Variants in RIN2 observed in about 807,000 individuals in gnomAD.
RIN2 encodes the protein Ras and Rab interactor 2, also known as RAB5 interacting protein 2.
RIN2 carries 36 observed loss-of-function variants against 78.0 expected under a neutral mutation model. That is an observed-to-expected ratio of 0.46 (90% CI 0.35 to 0.61). The LOEUF is 0.61. Ranked by LOEUF, RIN2 falls within the 20% of genes least tolerant of loss-of-function variation. The probability of loss-of-function intolerance (pLI) is 0.00; values close to 1 mark genes in which losing one functional copy is unlikely to be tolerated. For missense variants in RIN2, 1,087 were observed against 1,159.7 expected (o/e 0.94, Z 0.91); for synonymous variants, 466 against 466.8 (o/e 1.00, Z 0.02).
intron 2 of RIN2, among the ~76,000 whole-genome samples, chr20:19,839,504 G>T (rs781297172): frequency 6.6e-6 from 1 of 152,234 alleles, no homozygotes; most frequent in Non-Finnish European, 1.5e-5. Flanking sequence ...AGTTCACCAT[G>T]TCTCTGGGTC....
At chr20:19,839,871 AAT>A (rs2036531926) in intron 2 of RIN2, among the ~76,000 whole-genome samples, 1 of 152,226 alleles carries the variant, frequency 6.6e-6, no homozygotes, top group Non-Finnish European at 1.5e-5. Context: ...AGTATCTTTA[AAT>A]CAAAAGTGCT....
chr20:19,990,224 A>G lies in RIN2; in HGVS notation c.1981A>G (p.Met661Val), dbSNP rs769095979. 6.2e-7 allele frequency: 1 copy of G among 1,613,034 alleles called. No individual in the cohort carries two copies. Among genetic ancestry groups the G allele is most frequent in the Admixed American group, 1.7e-5 (1 of 59,908 alleles). ...GAAAATCAAAGTCAAGTTCATGACCATGCAGAAGATGTATTCGCCGGAAAA... is the reference window on the plus strand; with the variant it reads ...GAAAATCAAAGTCAAGTTCATGACCGTGCAGAAGATGTATTCGCCGGAAAA... ...VEKIKVKFMTMQKMYSPEKKV... is the reference protein window; with the variant it reads ...VEKIKVKFMTVQKMYSPEKKV... Residue 661 changes from methionine (M) to valine (V), a missense_variant, in exon 10 of 13, where the codon ATG (methionine) becomes GTG (valine). By Grantham distance (21) the Met-to-Val change is conservative (BLOSUM62 1). Around this residue, in one of 8 missense-constraint regions of RIN2, gnomAD observed 97 missense variants for 104.8 expected, o/e 0.93. Transcript: ENST00000255006.
chr20:19,813,205 G>A (rs2035658340), intron 2 of RIN2, among the ~76,000 whole-genome samples: 1 of 152,152 alleles, frequency 6.6e-6, no homozygotes, highest in African/African-American at 2.4e-5. Context: ...CTCATATAAT[G>A]AATCAACTGC....
intron 9 of RIN2, among the ~76,000 whole-genome samples, chr20:19,977,436 C>G (rs182538149): frequency 1.6e-4 from 24 of 152,308 alleles, no homozygotes; most frequent in Non-Finnish European, 3.2e-4. Context: ...TTTCACTACT[C>G]TAGAAGGATG....
At chr20:19,887,047 A>G (rs1041202620) in intron 2 of RIN2, among the ~76,000 whole-genome samples, 1 of 151,250 alleles carries the variant, frequency 6.6e-6, no homozygotes, top group Non-Finnish European at 1.5e-5. Context: ...TTCTTTCGAG[A>G]CAGAGTGTTA....
chr20:19,955,723 C>G (rs780622831), intron 4 of RIN2, among the ~76,000 whole-genome samples: 1 of 152,082 alleles, frequency 6.6e-6, no homozygotes, highest in African/African-American at 2.4e-5. Flanking sequence ...CATGATTTTA[C>G]GAATAGCACA....
At chr20:19,886,253 T>C (rs944324614) in intron 2 of RIN2, among the ~76,000 whole-genome samples, 1 of 152,150 alleles carries the variant, frequency 6.6e-6, no homozygotes, top group African/African-American at 2.4e-5. Flanking sequence ...TGGCTGTCAG[T>C]AGAATGGGTT....
intron 3 of RIN2, among the ~76,000 whole-genome samples, chr20:19,892,992 C>T (rs1190437247): frequency 6.6e-6 from 1 of 152,162 alleles, no homozygotes; most frequent in Admixed American, 6.5e-5. Context: ...GCAGAAGCCA[C>T]CCCTAACCTC....
intron 1 of RIN2, among the ~76,000 whole-genome samples, chr20:19,786,840 A>G (rs1335649451): frequency 6.6e-6 from 1 of 152,194 alleles, no homozygotes; most frequent in Non-Finnish European, 1.5e-5. Flanking sequence ...CTCTAGATTT[A>G]GCTTACATGC....
chr20:19,782,077 C>A (rs961793545), intron 1 of RIN2, among the ~76,000 whole-genome samples: 10 of 152,078 alleles, frequency 6.6e-5, no homozygotes, highest in Non-Finnish European at 1.5e-4. Flanking sequence ...TCTGGGCTTG[C>A]ACATGACCAG....
At chr20:19,782,004 G>A (rs9653629) in intron 1 of RIN2, among the ~76,000 whole-genome samples, 24,963 of 152,060 alleles carry the variant, frequency 0.16, 2,445 homozygotes, top group African/African-American at 0.28. Flanking sequence ...TAAGTTAAGC[G>A]CTAATTGAAA....
intron 7 of RIN2, 30 bp from the exon 8 acceptor site, chr20:19,970,808 C>T: frequency 6.5e-7 from 1 of 1,527,952 alleles, no homozygotes; most frequent in Non-Finnish European, 9.0e-7. Context: ...CATGTAATTA[C>T]AAACATTCTC....
chr20:19,978,363 A>G (rs199579), intron 9 of RIN2, among the ~76,000 whole-genome samples: 51,930 of 152,112 alleles, frequency 0.34, 9,990 homozygotes, highest in Non-Finnish European at 0.44. Context: ...ATGCATGCAC[A>G]TGTATCCCTT....
chr20:19,989,383 C>T (rs890284313), intron 9 of RIN2, among the ~76,000 whole-genome samples: 3 of 150,994 alleles, frequency 2.0e-5, no homozygotes, highest in Admixed American at 6.7e-5. Context: ...AAACAATTCT[C>T]CTGCCTCAGC....
chr20:19,968,944 C>A (rs1384991572), intron 7 of RIN2, among the ~76,000 whole-genome samples: 2 of 152,038 alleles, frequency 1.3e-5, no homozygotes, highest in African/African-American at 2.4e-5. Flanking sequence ...CTCAAACAGA[C>A]ACAAGTGGCC....
intron 12 of RIN2, among the ~76,000 whole-genome samples, chr20:19,999,004 G>A (rs1459431550): frequency 2.0e-5 from 3 of 152,312 alleles, no homozygotes; most frequent in African/African-American, 7.2e-5. Context: ...GGAGGTGCAT[G>A]CCTTCTCAGA....
rs147144784 is a variant in RIN2 at position 19,963,439 on chromosome 20, G to A, written c.464-1513G>A. ...GACCAGCCTGACATGGAGAAACCCC[G>A]TCTCTACTAAAAATACAAAATTAGC... On this transcript the variant is annotated intron_variant, in intron 6 of 12. Transcript: ENST00000255006. Among the ~76,000 whole-genome samples the A allele has an allele frequency of 9.9e-3, 1,508 of 152,064 alleles. 13 individuals are homozygous for A. The highest frequency in any genetic ancestry group is 0.016 in the Non-Finnish European group (1,117 of 67,966).
At chr20:19,889,197 CTG>C in intron 2 of RIN2, 1 of 985,448 alleles carries the variant, frequency 1.0e-6, no homozygotes, top group Non-Finnish European at 1.2e-6. Flanking sequence ...AGCTGTCCCT[CTG>C]TGATCAGCCA....
chr20:19,964,232 A>T (rs2041863364), intron 6 of RIN2, among the ~76,000 whole-genome samples: 1 of 151,630 alleles, frequency 6.6e-6, no homozygotes, highest in Admixed American at 6.6e-5. Context: ...CAACACTCCA[A>T]GTAAATGGGT....
Sources: allele counts gnomAD v4.1 joint callset (sites outside exome capture counted in the v4.1 genomes callset), GRCh38; gene constraint gnomAD v4.1.1; regional missense constraint gnomAD v4.1.1; transcripts MANE v1.5; gene names NCBI Gene and HGNC (gene_info 2026-07-23, HGNC 2026-07-21).